The following A2ML1 variants were observed in gnomAD, a reference collection of about 807,000 sequenced individuals.
The protein encoded by A2ML1 is alpha-2-macroglobulin-like protein 1.
A2ML1 carries 161 observed loss-of-function variants against 181.9 expected under a neutral mutation model. That is an observed-to-expected ratio of 0.89 (90% CI 0.78 to 1.01). The LOEUF is 1.01. A2ML1 is among the 50% of genes least tolerant of loss of function. A2ML1 has a pLI of 0.00. For synonymous variants in A2ML1, 663 were observed against 666.8 expected (o/e 0.99, Z 0.09); for missense variants, 1,670 against 1,768.1 (o/e 0.94, Z 1.00).
At chr12:8,879,656 A>T (rs1944851489), downstream of A2ML1, among the ~76,000 whole-genome samples, 1 of 152,262 alleles carries the variant, frequency 6.6e-6, no homozygotes, top group Non-Finnish European at 1.5e-5. Flanking sequence ...GGCAGAATAC[A>T]TCTTAAATGA....
At chr12:8,860,282 G>A (rs6487418) in intron 26 of A2ML1, among the ~76,000 whole-genome samples, 4,956 of 152,182 alleles carry the variant, frequency 0.033, 243 homozygotes, top group African/African-American at 0.11. Flanking sequence ...GAGCTCAAGC[G>A]ATCCTCCCCA....
rs748085779 is a variant in A2ML1 at position 8,849,754 on chromosome 12, T to G, written c.2114T>G (p.Met705Arg). ...SHRSPEYSTAMGAGGGHPEAF... is the reference protein window; with the variant it reads ...SHRSPEYSTARGAGGGHPEAF... Reference sequence around the variant, plus strand: ...AGATCTCCAGAATACAGCACTGCTATGGGTGGTAAGCCACCTCTGTGGTCT... The same window carrying G: ...AGATCTCCAGAATACAGCACTGCTAGGGGTGGTAAGCCACCTCTGTGGTCT... The change falls in exon 17 of 36, where the codon ATG (methionine) becomes AGG (arginine). Residue 705 changes from methionine to arginine, a missense_variant. Transcript: ENST00000299698. 6.2e-7 allele frequency: 1 copy of G among 1,614,144 alleles called. No individual in the cohort carries two copies. The highest frequency in any genetic ancestry group is 8.5e-7 in the Non-Finnish European group (1 of 1,179,976).
chr12:8,846,085 G>A lies in A2ML1; in HGVS notation c.1546G>A (p.Ala516Thr). The change falls in exon 14 of 36, where the codon GCC becomes ACC. Residue 516 changes from alanine to threonine, a missense_variant. Physicochemically the swap from Ala to Thr is moderately conservative, Grantham distance 58. Transcript: ENST00000299698. ...HLNSKKKGLK[A>T]SFSLSLTFTS... is the part of the protein sequence containing the mutation. ...TCCCTCTTCTCTTTCAGGACTGAAA[G>A]CCTCCTTCTCTCTCTCACTGACCTT... 6.2e-7 allele frequency: 1 copy of A among 1,614,124 alleles called. No individual in the cohort carries two copies. The highest frequency in any genetic ancestry group is 8.5e-7 in the Non-Finnish European group (1 of 1,180,014).
chr12:8,848,491 C>G (rs1464175653), intron 15 of A2ML1, among the ~76,000 whole-genome samples: 2 of 150,678 alleles, frequency 1.3e-5, no homozygotes, highest in Non-Finnish European at 3.0e-5. Flanking sequence ...AAAAAAAAAA[C>G]AAGAAAGAGA....
chr12:8,845,561 T>A, intron 13 of A2ML1, 59 bp downstream of exon 13: 1 of 1,595,730 alleles, frequency 6.3e-7, no homozygotes, highest in Non-Finnish European at 8.6e-7. Context: ...CAGAAAACAA[T>A]TCTTGGCCAG....
chr12:8,884,727 A>G (rs1328216583), intron 7 of A2ML1, among the ~76,000 whole-genome samples: 7 of 151,998 alleles, frequency 4.6e-5, no homozygotes, highest in African/African-American at 1.7e-4. Context: ...TAATTTTTGT[A>G]TTTTTAGTAG....
At chr12:8,859,168 C>T (rs965790746) in intron 26 of A2ML1, among the ~76,000 whole-genome samples, 2 of 151,750 alleles carry the variant, frequency 1.3e-5, no homozygotes, top group African/African-American at 2.4e-5. Flanking sequence ...GAGGGCGAGG[C>T]GTAGATCCTG....
At chr12:8,857,391 A>T in intron 24 of A2ML1, 51 bp downstream of exon 24, 2 of 1,584,774 alleles carry the variant, frequency 1.3e-6, no homozygotes, top group Non-Finnish European at 1.7e-6. Context: ...ACTAGGCCCT[A>T]TGACAGATTG....
At position 8,855,584 on chromosome 12, in the gene A2ML1, C is replaced by A. The variant is rs199873022; in HGVS notation, c.2840C>A (p.Thr947Lys). Residue 947 changes from threonine (T) to lysine (K), a missense_variant, in exon 23 of 36, where the codon ACG becomes AAG. Transcript: ENST00000299698. ...CCTGACTCGACCAAGGCTTATGTTA[C>A]GGTTCTGGGTAAGCAGTTAGAGATT... ...IVPDSTKAYV[T>K]VLGDIMGTAL... 3 of 1,613,920 alleles carry A rather than the reference C, an allele frequency of 1.9e-6. No individual in the cohort carries two copies. Among genetic ancestry groups the A allele is most frequent in the African/African-American group, 1.3e-5 (1 of 74,902 alleles).
At chr12:8,828,020 G>A (rs781390298) in intron 3 of A2ML1, among the ~76,000 whole-genome samples, 17 of 152,310 alleles carry the variant, frequency 1.1e-4, no homozygotes, top group Admixed American at 2.6e-4. Flanking sequence ...CACCCCTGTG[G>A]CCACCAGCAT....
rs761686880 is a variant in A2ML1 at position 8,823,926 on chromosome 12, C to G, written c.409+44C>G. On this transcript the variant is annotated intron_variant, in intron 3 of 35. Transcript: ENST00000299698. Reference sequence around the variant, plus strand: ...GGGTTCGACTAAAACCTGGGGAAACCGCTGTGCACAGGGGTAAAGAGGGGA... The same window carrying G: ...GGGTTCGACTAAAACCTGGGGAAACGGCTGTGCACAGGGGTAAAGAGGGGA... 3.8e-6 allele frequency: 6 copies of G among 1,580,844 alleles called. No homozygotes were observed. In the African/African-American group the frequency reaches 6.7e-5, roughly 18 times the overall value.
Position 8,852,084 on chromosome 12 carries a change from T to C in A2ML1, c.2463+72T>C. 1 of 1,590,680 alleles carries C rather than the reference T, an allele frequency of 6.3e-7. No individual in the cohort carries two copies. Among genetic ancestry groups the C allele is most frequent in the Non-Finnish European group, 8.6e-7 (1 of 1,163,970 alleles). ...CCTCCCCCATAAGTTTGTCTCTAAA[T>C]TGGAAGCATCCCAATTTTCCCTGGG... On this transcript the variant is annotated intron_variant, in intron 19 of 35. Transcript: ENST00000299698. This position sits in a 1 kb window ranked among gnomAD's most constrained non-coding sequence, Gnocchi z 4.2.
Position 8,868,058 on chromosome 12 carries a change from G to GT in A2ML1, c.3933+2dup. 1 of 1,613,604 alleles carries GT rather than the reference G, an allele frequency of 6.2e-7. No homozygotes were observed. Among genetic ancestry groups the GT allele is most frequent in the Non-Finnish European group, 8.5e-7 (1 of 1,179,456 alleles). On this transcript the variant is annotated splice_donor_variant, in intron 30 of 35. Coordinates refer to ENST00000299698, the MANE Select transcript of A2ML1 (RefSeq NM_144670.6). LOFTEE classifies it high-confidence loss of function. The stretch of plus-strand genomic sequence containing the variant: ...AGGCCAGGGCTGTGTCTATGTGCAG[G>GT]TAAGTAGAGATCCATGAGAATGAGC...
At chr12:8,833,274 C>T (rs1169441271) in intron 4 of A2ML1, among the ~76,000 whole-genome samples, 2 of 151,840 alleles carry the variant, frequency 1.3e-5, no homozygotes, top group African/African-American at 2.4e-5. Flanking sequence ...TGCCTGGCCT[C>T]AGCAATGCTA....
intron 12 of A2ML1, among the ~76,000 whole-genome samples, chr12:8,844,717 T>C (rs2136824757): frequency 6.6e-6 from 1 of 151,782 alleles, no homozygotes; most frequent in Admixed American, 6.6e-5. Context: ...AAAAAAATCA[T>C]CCTAATACAA....
chr12:8,831,097 G>GCC (rs1943097937), intron 4 of A2ML1: 2 of 152,108 alleles, frequency 1.3e-5, no homozygotes, highest in East Asian at 3.9e-4. Context: ...CCACAGGTGT[G>GCC]CACTACCACA....
rs201335448 is a variant in A2ML1, at chr12:8,857,586, A to G, written c.3105A>G (p.Thr1035=). The change falls in exon 25 of 36, where the codon ACA becomes ACG. Residue 1035 remains threonine (T), a splice_region_variant and synonymous_variant. Coordinates refer to ENST00000299698, the MANE Select transcript of A2ML1 (RefSeq NM_144670.6). ...AFGERDGNGN[T]WLTAFVTKCF... ...GGGAGCGAGATGGAAATGGAAACACATGGTAATATCACCCAATTCCCAATG... is the reference window on the plus strand; with the variant it reads ...GGGAGCGAGATGGAAATGGAAACACGTGGTAATATCACCCAATTCCCAATG... The G allele has an allele frequency of 7.6e-5, 123 of 1,610,122 alleles. No individual in the cohort carries two copies. The highest frequency in any genetic ancestry group is 1.0e-4 in the Non-Finnish European group (122 of 1,178,150).
downstream of A2ML1, among the ~76,000 whole-genome samples, chr12:8,877,090 A>G (rs1894817): frequency 0.11 from 16,065 of 152,218 alleles, 1,061 homozygotes; most frequent in African/African-American, 0.18. Flanking sequence ...CTCTCCCCAC[A>G]TGGGCTATCT....
In A2ML1 at chr12:8,835,467, C is replaced by T; in HGVS notation, c.484-40C>T. On this transcript the variant is annotated intron_variant, in intron 5 of 35. Transcript: ENST00000299698. ...GCTTTTTGCAATGCAGAGTGGGAAG[C>T]AAACGGGCAGGCACATCATGCAGTT... is the stretch of plus-strand genomic sequence containing the variant. The T allele has an allele frequency of 2.5e-6, 4 of 1,610,072 alleles. No individual in the cohort carries two copies. The South Asian group carries it at 3.3e-5, about 13-fold the overall frequency.
Sources: allele counts gnomAD v4.1 joint callset (sites outside exome capture counted in the v4.1 genomes callset), GRCh38; gene constraint gnomAD v4.1.1; non-coding constraint Gnocchi (gnomAD v3.1); transcripts MANE v1.5; gene names NCBI Gene and HGNC (gene_info 2026-07-23, HGNC 2026-07-21).